PEX5L: variants seen among roughly 807,000 people sequenced by gnomAD.
PEX5L encodes peroxisomal biogenesis factor 5 like.
A neutral mutation model predicts 84.0 loss-of-function variants in PEX5L; 30 were observed. That is an observed-to-expected ratio of 0.36 (90% CI 0.27 to 0.48). PEX5L has a LOEUF of 0.48. Ranked by LOEUF, PEX5L falls within the 20% of genes least tolerant of loss-of-function variation. The pLI is 0.99. For synonymous variants in PEX5L, 270 were observed against 283.1 expected (o/e 0.95, Z 0.46); for missense variants, 533 against 754.6 (o/e 0.71, Z 3.44).
chr3:179,924,923 TCAAA>T (rs1770980633), intron 2 of PEX5L, among the ~76,000 whole-genome samples: 1 of 152,190 alleles, frequency 6.6e-6, no homozygotes, highest in African/African-American at 2.4e-5. Context: ...AAGAAAGCAA[TCAAA>T]CAAATATAAT....
intron 1 of PEX5L, among the ~76,000 whole-genome samples, chr3:179,999,664 C>A (rs954177683): frequency 6.6e-6 from 1 of 152,208 alleles, no homozygotes; most frequent in Non-Finnish European, 1.5e-5. Context: ...GCCTATTCTG[C>A]ATGCAATGCT....
intron 5 of PEX5L, among the ~76,000 whole-genome samples, chr3:179,876,664 T>C (rs1281841781): frequency 6.6e-6 from 1 of 152,186 alleles, no homozygotes. Context: ...CCATCACCAC[T>C]ATTCATCTCC....
intron 8 of PEX5L, among the ~76,000 whole-genome samples, chr3:179,837,947 C>T (rs1019019525): frequency 5.9e-5 from 9 of 152,128 alleles, no homozygotes; most frequent in Non-Finnish European, 1.0e-4. Context: ...GTATTATCCT[C>T]CTGATGGCCA....
chr3:179,851,230 A>G (rs1288684101), intron 8 of PEX5L, among the ~76,000 whole-genome samples: 1 of 152,216 alleles, frequency 6.6e-6, no homozygotes, highest in Non-Finnish European at 1.5e-5. Flanking sequence ...AACAGCAAAC[A>G]TTTATTTCTC....
chr3:179,894,139 T>C (rs548646484), intron 3 of PEX5L, among the ~76,000 whole-genome samples: 1 of 152,124 alleles, frequency 6.6e-6, no homozygotes, highest in East Asian at 1.9e-4. Context: ...TACTTGTTTA[T>C]GGTTTTATTA....
chr3:179,840,068 T>C (rs1736477406), intron 8 of PEX5L, among the ~76,000 whole-genome samples: 1 of 151,624 alleles, frequency 6.6e-6, no homozygotes, highest in African/African-American at 2.4e-5. Flanking sequence ...CAAGAGGGAA[T>C]GACAGCAGGG....
chr3:179,887,560 C>T lies in PEX5L; in HGVS notation c.310+113G>A, dbSNP rs1756285825. 30 of 728,256 alleles carry T rather than the reference C, an allele frequency of 4.1e-5. No individual in the cohort carries two copies. The South Asian group carries it at 4.6e-4, about 11-fold the overall frequency. The allele number at this position is 728,256 out of a possible 1,614,324, so 45.1% of individuals were successfully genotyped here. A position where few individuals can be genotyped will look rare whatever the true frequency, so the allele number is the denominator to read the frequency against. Reference sequence around the variant, plus strand: ...CTAAATAGTATACATTCTAAAGTTTCATTTGGTTGCAAACGTTCTTTCCTC... The same window carrying T: ...CTAAATAGTATACATTCTAAAGTTTTATTTGGTTGCAAACGTTCTTTCCTC... On this transcript the variant is annotated intron_variant, in intron 4 of 14. Coordinates refer to ENST00000467460, the MANE Select transcript of PEX5L (RefSeq NM_016559.3).
At chr3:179,881,886 A>G (rs1578000602) in intron 4 of PEX5L, among the ~76,000 whole-genome samples, 1 of 152,242 alleles carries the variant, frequency 6.6e-6, no homozygotes, top group East Asian at 1.9e-4. Flanking sequence ...GCCCTGAGAT[A>G]CGAGGGATGT....
At chr3:179,869,881 T>C (rs766274957) in intron 7 of PEX5L, among the ~76,000 whole-genome samples, 4 of 152,216 alleles carry the variant, frequency 2.6e-5, no homozygotes, top group Non-Finnish European at 4.4e-5. Flanking sequence ...TTGTTATATA[T>C]AGATATCTAT....
At chr3:179,983,236 T>TA (rs1786501890) in intron 1 of PEX5L, among the ~76,000 whole-genome samples, 1 of 151,926 alleles carries the variant, frequency 6.6e-6, no homozygotes, top group Admixed American at 6.6e-5. Context: ...TACTTTTTAA[T>TA]AAAAAATAAA....
chr3:179,881,440 A>C (rs1174654668), intron 4 of PEX5L: 1 of 152,194 alleles, frequency 6.6e-6, no homozygotes, highest in Admixed American at 6.5e-5. Flanking sequence ...GTCACGGCTT[A>C]GTGTGTGACT....
chr3:180,006,419 T>G (rs1788903573), intron 1 of PEX5L, among the ~76,000 whole-genome samples: 1 of 152,174 alleles, frequency 6.6e-6, no homozygotes, highest in Non-Finnish European at 1.5e-5. Context: ...TTATACAAGG[T>G]CAAAAGCACA....
intron 2 of PEX5L, among the ~76,000 whole-genome samples, chr3:179,927,292 G>T (rs1578567278): frequency 6.6e-6 from 1 of 152,280 alleles, no homozygotes; most frequent in Admixed American, 6.5e-5. Flanking sequence ...GGCTCTCAGG[G>T]TAAAGACAGA....
intron 10 of PEX5L, among the ~76,000 whole-genome samples, chr3:179,812,781 G>A (rs1724402864): frequency 6.6e-6 from 1 of 151,696 alleles, no homozygotes; most frequent in South Asian, 2.1e-4. Flanking sequence ...CAAATTTGCT[G>A]GGGGTGGAGG....
intron 2 of PEX5L, among the ~76,000 whole-genome samples, chr3:179,936,046 A>G (rs1774487062): frequency 1.3e-5 from 2 of 152,182 alleles, no homozygotes; most frequent in Non-Finnish European, 2.9e-5. Context: ...TCTTTTCTTT[A>G]TAAATTATCC....
At chr3:179,851,598 A>G (rs1051570583) in intron 8 of PEX5L, among the ~76,000 whole-genome samples, 5 of 152,154 alleles carry the variant, frequency 3.3e-5, no homozygotes, top group African/African-American at 1.2e-4. Flanking sequence ...ATTTGCTATG[A>G]TTTTTCATAA....
intron 2 of PEX5L, chr3:179,902,827 T>C (rs1761861882): frequency 2.8e-6 from 1 of 358,192 alleles, no homozygotes; most frequent in Non-Finnish European, 5.5e-6. Context: ...CCAGAGTTTC[T>C]TTATCAGAGA....
chr3:179,872,082 G>A (rs535167610), intron 7 of PEX5L, among the ~76,000 whole-genome samples: 33 of 152,140 alleles, frequency 2.2e-4, no homozygotes, highest in African/African-American at 8.0e-4. Context: ...ACAGGGTTTT[G>A]CTATGTATCC....
chr3:179,810,101 C>T (rs1031262756), intron 11 of PEX5L, among the ~76,000 whole-genome samples: 1 of 144,306 alleles, frequency 6.9e-6, no homozygotes, highest in Non-Finnish European at 1.5e-5. Context: ...GCAACCTCTG[C>T]CACCTGGACT....
Sources: allele counts gnomAD v4.1 joint callset (sites outside exome capture counted in the v4.1 genomes callset), GRCh38; gene constraint gnomAD v4.1.1; transcripts MANE v1.5; gene names NCBI Gene and HGNC (gene_info 2026-07-23, HGNC 2026-07-21).